The following CMPK1 variants were observed in gnomAD, a reference collection of about 807,000 sequenced individuals.
The protein encoded by CMPK1 is UMP-CMP kinase.
Under a neutral mutation model 25.7 loss-of-function variants are expected in CMPK1, and 10 were observed. The observed-to-expected ratio is 0.39, with a 90% confidence interval of 0.24 to 0.66. CMPK1 has a LOEUF of 0.66. CMPK1 is among the 30% of genes least tolerant of loss of function. The probability of loss-of-function intolerance (pLI) is 0.48; values close to 1 mark genes in which losing one functional copy is unlikely to be tolerated. For synonymous variants in CMPK1, 106 were observed against 101.5 expected (o/e 1.04, Z -0.27); for missense variants, 199 against 280.5 (o/e 0.71, Z 2.08).
At chr1:47,346,710 G>T (rs1177744082) in intron 1 of CMPK1, among the ~76,000 whole-genome samples, 1 of 151,962 alleles carries the variant, frequency 6.6e-6, no homozygotes, top group African/African-American at 2.4e-5. Flanking sequence ...CACCATGTTG[G>T]CCAGGCTGGT....
chr1:47,358,857 C>G lies in CMPK1; in HGVS notation c.172-9612C>G, dbSNP rs1646581178. On this transcript the variant is annotated intron_variant, in intron 1 of 5. Transcript: ENST00000371873. Reference sequence around the variant, plus strand: ...GTTGATTCTTAAATTCAAATAAATTCTAGTTCCTAAAGAGCACCTGAGATA... The same window carrying G: ...GTTGATTCTTAAATTCAAATAAATTGTAGTTCCTAAAGAGCACCTGAGATA... The G allele has an allele frequency of 3.1e-6, 3 of 983,604 alleles. No individual in the cohort carries two copies. The African/African-American group carries it at 5.2e-5, about 17-fold the overall frequency. 60.9% of individuals were successfully genotyped at this position (983,604 alleles called of 1,614,324 possible). A position where few individuals can be genotyped will look rare whatever the true frequency, so the allele number is the denominator to read the frequency against.
At chr1:47,367,238 T>A (rs1646645476) in intron 1 of CMPK1, among the ~76,000 whole-genome samples, 1 of 152,232 alleles carries the variant, frequency 6.6e-6, no homozygotes. Flanking sequence ...ATCTTGTTTA[T>A]TCTCATCAAA....
At chr1:47,340,162 A>C (rs1356227532) in intron 1 of CMPK1, among the ~76,000 whole-genome samples, 1 of 151,164 alleles carries the variant, frequency 6.6e-6, no homozygotes, top group African/African-American at 2.4e-5. Context: ...GCTCATTCTC[A>C]CTGCAGCCTC....
At chr1:47,372,882 G>GTATA in intron 2 of CMPK1, 73 bp from the exon 3 acceptor site, 1 of 1,149,418 alleles carries the variant, frequency 8.7e-7, no homozygotes, top group Non-Finnish European at 1.2e-6. Flanking sequence ...AAACACCCAT[G>GTATA]TATACACTAC....
intron 1 of CMPK1, among the ~76,000 whole-genome samples, chr1:47,347,127 C>T (rs1011261727): frequency 2.6e-5 from 4 of 151,650 alleles, no homozygotes; most frequent in Non-Finnish European, 5.9e-5. Context: ...TCCTTCTGTT[C>T]CTCCTTTCTT....
chr1:47,347,913 G>C (rs1410704679), intron 1 of CMPK1, among the ~76,000 whole-genome samples: 1 of 152,180 alleles, frequency 6.6e-6, no homozygotes, highest in Admixed American at 6.6e-5. Flanking sequence ...TTACAGGTGT[G>C]AGCCATCGTG....
intron 1 of CMPK1, among the ~76,000 whole-genome samples, chr1:47,350,603 G>T (rs1053384473): frequency 1.3e-5 from 2 of 152,014 alleles, no homozygotes; most frequent in African/African-American, 4.8e-5. Context: ...TAGAAAAATT[G>T]GAAAATACAG....
At chr1:47,345,528 C>G (rs1646476756) in intron 1 of CMPK1, among the ~76,000 whole-genome samples, 1 of 149,692 alleles carries the variant, frequency 6.7e-6, no homozygotes, top group African/African-American at 2.5e-5. Flanking sequence ...GAGTCTCACT[C>G]TGTTGCCCAG....
intron 1 of CMPK1, among the ~76,000 whole-genome samples, chr1:47,346,696 G>A (rs1398172140): frequency 2.6e-5 from 4 of 151,878 alleles, no homozygotes; most frequent in Non-Finnish European, 5.9e-5. Context: ...TAGAGACGGG[G>A]TTTCACCATG....
At chr1:47,356,452 T>C (rs1008248179) in intron 1 of CMPK1, among the ~76,000 whole-genome samples, 2 of 152,166 alleles carry the variant, frequency 1.3e-5, no homozygotes, top group Non-Finnish European at 2.9e-5. Flanking sequence ...TCCTCATTTG[T>C]AGTTATTAAT....
intron 1 of CMPK1, among the ~76,000 whole-genome samples, chr1:47,340,304 C>CAA (rs749595776): frequency 0.012 from 1,458 of 123,666 alleles, 33 homozygotes; most frequent in African/African-American, 0.041. Context: ...GACTCCGTCT[C>CAA]AAAAAAAAAA....
chr1:47,368,213 G>A (rs1646652834), intron 1 of CMPK1, among the ~76,000 whole-genome samples: 1 of 151,892 alleles, frequency 6.6e-6, no homozygotes, highest in South Asian at 2.1e-4. Flanking sequence ...CAAATTGTTG[G>A]GATTACAGGT....
intron 1 of CMPK1, among the ~76,000 whole-genome samples, chr1:47,343,874 G>C (rs1435980573): frequency 6.6e-6 from 1 of 151,034 alleles, no homozygotes; most frequent in Non-Finnish European, 1.5e-5. Flanking sequence ...ATGACAGAGA[G>C]AGACTCCGTC....
rs371414296 is a variant in CMPK1 at position 47,358,192 on chromosome 1, G to A, written c.172-10277G>A. The A allele has an allele frequency of 4.9e-4, 200 of 409,106 alleles. 1 individual carries two copies. The highest frequency in any genetic ancestry group is 1.3e-3 in the Middle Eastern group (3 of 2,276). The allele number at this position is 409,106 out of a possible 1,614,324, so 25.3% of individuals were successfully genotyped here. On this transcript the variant is annotated intron_variant, in intron 1 of 5. Coordinates refer to ENST00000371873, the MANE Select transcript of CMPK1 (RefSeq NM_016308.3). ...AGTGGTACAGTTATAGCTTACTGCC[G>A]CCTCTAACTCCTGGGGCTCAAGCTA...
At chr1:47,349,033 A>C (rs1473005048) in intron 1 of CMPK1, among the ~76,000 whole-genome samples, 1 of 152,154 alleles carries the variant, frequency 6.6e-6, no homozygotes, top group Non-Finnish European at 1.5e-5. Context: ...AGAAGTGGGG[A>C]AAGGCAAGGA....
intron 1 of CMPK1, among the ~76,000 whole-genome samples, chr1:47,349,224 ATAG>A (rs1302535195): frequency 1.3e-5 from 2 of 152,208 alleles, no homozygotes. Context: ...TTCAATGGCC[ATAG>A]TAGCTTGAAG....
At chr1:47,375,960 A>G (rs965001518) in intron 5 of CMPK1, among the ~76,000 whole-genome samples, 2 of 152,238 alleles carry the variant, frequency 1.3e-5, no homozygotes, top group African/African-American at 4.8e-5. Context: ...TTTTTAATCC[A>G]TTGACACTTT....
Position 47,334,085 on chromosome 1 carries a change from G to A in CMPK1, c.140G>A (p.Gly47Asp). ...TTCGTCCTCGGCGGCCCCGGCGCCG[G>A]CAAGGGGACCCAGTGCGCCCGCATC... ...VVFVLGGPGA[G>D]KGTQCARIVE... The change falls in exon 1 of 6, where the codon GGC (glycine) becomes GAC (aspartate). Residue 47 changes from glycine (G) to aspartate (D), a missense_variant. By Grantham distance (94) the Gly-to-Asp change is moderately conservative (BLOSUM62 -1). Around this residue, in one of 2 missense-constraint regions of CMPK1, gnomAD observed 140 missense variants for 235.5 expected, o/e 0.59. Coordinates refer to ENST00000371873, the MANE Select transcript of CMPK1 (RefSeq NM_016308.3). The A allele has an allele frequency of 6.5e-7, 1 of 1,535,356 alleles. No individual in the cohort carries two copies. The highest frequency in any genetic ancestry group is 8.8e-7 in the Non-Finnish European group (1 of 1,139,932).
At chr1:47,335,942 T>G (rs1385723067) in intron 1 of CMPK1, among the ~76,000 whole-genome samples, 1 of 152,060 alleles carries the variant, frequency 6.6e-6, no homozygotes, top group African/African-American at 2.4e-5. Flanking sequence ...TTTGTATTTT[T>G]GGTAGAGACA....
Sources: gnomAD v4.1 joint callset for allele counts (sites outside exome capture counted in the v4.1 genomes callset) on GRCh38, gnomAD v4.1.1 for gene constraint, gnomAD v4.1.1 regional missense constraint, MANE v1.5 for transcripts, NCBI Gene and HGNC (gene_info 2026-07-23, HGNC 2026-07-21) for gene names.